The following DRC11 variants were observed in gnomAD, a reference collection of about 807,000 sequenced individuals.
DRC11 encodes dynein regulatory complex subunit 11.
At chr2:236,441,168 C>T in the DRC11 span, 214 of 1,276,100 alleles carry the variant, frequency 1.7e-4, no homozygotes, top group Admixed American at 2.8e-4. Context: ...ATGAAGTCCT[C>T]TCTTGTTATA....
At chr2:236,416,762 T>TATAA in the DRC11 span, among the ~76,000 whole-genome samples, 2 of 93,392 alleles carry the variant, frequency 2.1e-5, no homozygotes, top group African/African-American at 8.4e-5. Context: ...TATATATATA[T>TATAA]ATATATAAAT....
the DRC11 span, among the ~76,000 whole-genome samples, chr2:236,383,865 C>A: frequency 6.7e-6 from 1 of 149,822 alleles, no homozygotes; most frequent in African/African-American, 2.5e-5. Context: ...CTTCCTGTGT[C>A]CATGTGATCT....
the DRC11 span, among the ~76,000 whole-genome samples, chr2:236,383,485 G>C: frequency 2.6e-5 from 4 of 151,612 alleles, no homozygotes; most frequent in Admixed American, 2.6e-4. Context: ...TGCTAGCTTT[G>C]GGTTTAATAT....
At chr2:236,468,388 G>A in the DRC11 span, among the ~76,000 whole-genome samples, 5 of 152,082 alleles carry the variant, frequency 3.3e-5, no homozygotes, top group South Asian at 6.2e-4. Context: ...GACCATGCCC[G>A]GCTGAGAACA....
At chr2:236,419,616 G>C in the DRC11 span, among the ~76,000 whole-genome samples, 1 of 152,188 alleles carries the variant, frequency 6.6e-6, no homozygotes, top group Non-Finnish European at 1.5e-5. This position sits in a 1 kb window ranked among gnomAD's most constrained non-coding sequence, Gnocchi z 4.8. Context: ...AGCTGGATGT[G>C]CCAGCCCTGC....
the DRC11 span, chr2:236,368,227 G>A: frequency 6.2e-7 from 1 of 1,610,900 alleles, no homozygotes; most frequent in Non-Finnish European, 8.5e-7. Flanking sequence ...GTGATGAGCT[G>A]TCTGACATCC....
chr2:236,359,220 T>C, the DRC11 span, among the ~76,000 whole-genome samples: 1 of 151,962 alleles, frequency 6.6e-6, no homozygotes, highest in Admixed American at 6.6e-5. This position sits in a 1 kb window ranked among gnomAD's most constrained non-coding sequence, Gnocchi z 4.3. Context: ...AGACTATATA[T>C]ACTATATATA....
chr2:236,380,727 G>T, the DRC11 span: 6 of 885,942 alleles, frequency 6.8e-6, no homozygotes, highest in Non-Finnish European at 1.1e-5. The surrounding 1 kb of genome is among the most constrained non-coding windows in gnomAD (Gnocchi z 4.9). Flanking sequence ...TTTTCTGGGG[G>T]TGGTGGGAGG....
chr2:236,441,397 T>G, the DRC11 span, among the ~76,000 whole-genome samples: 1 of 152,022 alleles, frequency 6.6e-6, no homozygotes, highest in Non-Finnish European at 1.5e-5. Flanking sequence ...TTTTTAATGT[T>G]GAGATGCTCT....
chr2:236,472,012 G>A, the DRC11 span, among the ~76,000 whole-genome samples: 1 of 152,174 alleles, frequency 6.6e-6, no homozygotes, highest in Non-Finnish European at 1.5e-5. This position sits in a 1 kb window ranked among gnomAD's most constrained non-coding sequence, Gnocchi z 4.6. Context: ...GAATAAAACT[G>A]CATCCCAATA....
At chr2:236,476,404 T>A in the DRC11 span, among the ~76,000 whole-genome samples, 1 of 152,210 alleles carries the variant, frequency 6.6e-6, no homozygotes, top group African/African-American at 2.4e-5. This position sits in a 1 kb window ranked among gnomAD's most constrained non-coding sequence, Gnocchi z 4.7. Context: ...GATTTTTGCA[T>A]GCTGGTTTGT....
the DRC11 span, among the ~76,000 whole-genome samples, chr2:236,395,460 C>G: frequency 6.6e-6 from 1 of 152,166 alleles, no homozygotes; most frequent in African/African-American, 2.4e-5. Flanking sequence ...TGTGGAAGTT[C>G]GTTCTTTGCT....
At chr2:236,395,603 CTG>C in the DRC11 span, among the ~76,000 whole-genome samples, 1 of 152,272 alleles carries the variant, frequency 6.6e-6, no homozygotes, top group Admixed American at 6.5e-5. Flanking sequence ...TAAGCTTAAA[CTG>C]TGAAAAACTT....
the DRC11 span, chr2:236,399,489 C>T: frequency 1.9e-6 from 3 of 1,613,376 alleles, no homozygotes; most frequent in Non-Finnish European, 2.5e-6. This position sits in a 1 kb window ranked among gnomAD's most constrained non-coding sequence, Gnocchi z 7.0. Flanking sequence ...CGTCTTCTTC[C>T]TGTTCAAAGC....
the DRC11 span, chr2:236,408,463 G>C: frequency 1.4e-6 from 1 of 740,198 alleles, no homozygotes; most frequent in South Asian, 1.4e-5. This position sits in a 1 kb window ranked among gnomAD's most constrained non-coding sequence, Gnocchi z 5.5. Flanking sequence ...CACAGGTATG[G>C]GCTGCTCTAG....
the DRC11 span, among the ~76,000 whole-genome samples, chr2:236,387,260 G>A: frequency 2.3e-4 from 34 of 149,878 alleles, no homozygotes; most frequent in African/African-American, 8.3e-4. Context: ...GTTGACAGTG[G>A]GGTGTTAAAG....
At chr2:236,425,711 G>A in the DRC11 span, among the ~76,000 whole-genome samples, 8 of 151,930 alleles carry the variant, frequency 5.3e-5, no homozygotes, top group Non-Finnish European at 1.0e-4. Context: ...TCACTGCCCA[G>A]ATCAATGTCA....
the DRC11 span, among the ~76,000 whole-genome samples, chr2:236,430,106 G>A: frequency 6.6e-6 from 1 of 151,990 alleles, no homozygotes; most frequent in Non-Finnish European, 1.5e-5. This position sits in a 1 kb window ranked among gnomAD's most constrained non-coding sequence, Gnocchi z 6.0. Context: ...CCAGTGTGTG[G>A]CTGATCATAA....
the DRC11 span, among the ~76,000 whole-genome samples, chr2:236,318,577 T>G: frequency 1.4e-4 from 21 of 151,792 alleles, no homozygotes; most frequent in Non-Finnish European, 2.8e-4. This position sits in a 1 kb window ranked among gnomAD's most constrained non-coding sequence, Gnocchi z 7.0. Context: ...ATGTGTGTGT[T>G]TGTGTGTACA....
Sources: allele counts gnomAD v4.1 joint callset (sites outside exome capture counted in the v4.1 genomes callset), GRCh38; gene constraint gnomAD v4.1.1; non-coding constraint Gnocchi (gnomAD v3.1); transcripts MANE v1.5; gene names NCBI Gene and HGNC (gene_info 2026-07-23, HGNC 2026-07-21).